The following FAM114A1 variants were observed in gnomAD, a reference collection of about 807,000 sequenced individuals.
FAM114A1 encodes the protein family with sequence similarity 114 member A1.
In FAM114A1, 62 loss-of-function variants were observed where a neutral mutation model predicts 64.3. The observed-to-expected ratio is 0.96, with a 90% CI of 0.79 to 1.19. The LOEUF (loss-of-function observed/expected upper bound fraction) is 1.19, where lower values mean the gene tolerates loss of function less well. Among genes scored for constraint, FAM114A1 ranks in the 50% most tolerant of loss-of-function variants. The pLI is 0.00. For missense variants in FAM114A1, 645 were observed against 676.3 expected, an observed-to-expected ratio of 0.95 and a Z score of 0.51; for synonymous variants, 254 against 251.1, an observed-to-expected ratio of 1.01 and a Z score of -0.11.
chr4:38,887,793 C>T (rs568644303), intron 3 of FAM114A1, among the ~76,000 whole-genome samples: 15 of 152,290 alleles, frequency 9.8e-5, no homozygotes, highest in African/African-American at 3.6e-4. Flanking sequence ...ATAACTGAGG[C>T]CATTTTCAAT....
At chr4:38,900,005 C>T (rs1717351893) in intron 4 of FAM114A1, among the ~76,000 whole-genome samples, 1 of 152,088 alleles carries the variant, frequency 6.6e-6, no homozygotes, top group South Asian at 2.1e-4. Flanking sequence ...CAGAAAGAGG[C>T]TGGCCCACCT....
At chr4:38,917,079 A>G (rs1299879371) in intron 8 of FAM114A1, among the ~76,000 whole-genome samples, 3 of 151,928 alleles carry the variant, frequency 2.0e-5, no homozygotes, top group Non-Finnish European at 4.4e-5. Flanking sequence ...CGAGGTGGGC[A>G]GATCACCTGA....
intron 3 of FAM114A1, among the ~76,000 whole-genome samples, chr4:38,888,014 A>G (rs182051900): frequency 1.3e-3 from 194 of 152,344 alleles, no homozygotes; most frequent in Admixed American, 2.5e-3. Context: ...TCAAGGAAAT[A>G]GAAGAACCAA....
intron 2 of FAM114A1, among the ~76,000 whole-genome samples, chr4:38,868,923 G>A (rs1189889061): frequency 6.6e-6 from 1 of 152,210 alleles, no homozygotes; most frequent in Admixed American, 6.5e-5. Context: ...ACCTTTAAGT[G>A]AAGGAATGAG....
At chr4:38,931,645 T>C (rs1720653749) in intron 11 of FAM114A1, 33 bp downstream of exon 11, 2 of 1,571,818 alleles carry the variant, frequency 1.3e-6, no homozygotes, top group Non-Finnish European at 1.7e-6. Context: ...GCCTACAAGG[T>C]AATAAGAGTG....
chr4:38,892,375 T>G (rs1716495698), intron 4 of FAM114A1, among the ~76,000 whole-genome samples: 1 of 152,202 alleles, frequency 6.6e-6, no homozygotes, highest in African/African-American at 2.4e-5. Context: ...AGTATTGACC[T>G]CAACTCTGAG....
chr4:38,944,673 TAG>T lies in FAM114A1; in HGVS notation c.*1119_*1120del, dbSNP rs1396944106. On this transcript the variant is annotated 3_prime_UTR_variant, in exon 15 of 15. Transcript: ENST00000358869. ...CCTCCCGTCAGGTCAGCAGCAGCAT[TAG>T]AGTCTCATGGGAGTGCGAACCCTGT... 1 of 152,212 alleles carries T rather than the reference TAG, an allele frequency of 6.6e-6. No individual in the cohort carries two copies. Among genetic ancestry groups the T allele is most frequent in the Non-Finnish European group, 1.5e-5 (1 of 68,078 alleles). 9.4% of individuals were successfully genotyped at this position (152,212 alleles called of 1,614,324 possible). A position where few individuals can be genotyped will look rare whatever the true frequency, so the allele number is the denominator to read the frequency against.
intron 9 of FAM114A1, among the ~76,000 whole-genome samples, chr4:38,924,290 G>T (rs28427883): frequency 0.2 from 30,606 of 152,022 alleles, 3,232 homozygotes; most frequent in Middle Eastern, 0.29. Context: ...CTTAAAGTGC[G>T]AACACAATGC....
At chr4:38,896,030 G>A (rs1433864545) in intron 4 of FAM114A1, among the ~76,000 whole-genome samples, 2 of 152,060 alleles carry the variant, frequency 1.3e-5, no homozygotes, top group African/African-American at 4.8e-5. Context: ...ACCAATTACA[G>A]AACCTTAGTA....
Position 38,931,572 on chromosome 4 carries a change from A to C in FAM114A1, c.1283A>C (p.Gln428Pro). The change falls in exon 11 of 15, where the codon CAA becomes CCA. Residue 428 changes from glutamine to proline, a missense_variant. By Grantham distance (76) the Gln-to-Pro change is moderately conservative. Transcript: ENST00000358869. ...AAGGAAGAGAAATCTCAAGACCCTC[A>C]AGAAGACAAAAAGGAGGAAAAGAAA... Reference protein sequence around the residue: ...EEKEEKSQDPQEDKKEEKKTK... With the variant: ...EEKEEKSQDPPEDKKEEKKTK... 1.9e-6 allele frequency: 3 copies of C among 1,613,882 alleles called. No individual in the cohort carries two copies. Among genetic ancestry groups the C allele is most frequent in the Non-Finnish European group, 2.5e-6 (3 of 1,179,960 alleles).
At chr4:38,932,618 T>A (rs1720749168) in intron 12 of FAM114A1, among the ~76,000 whole-genome samples, 2 of 152,014 alleles carry the variant, frequency 1.3e-5, no homozygotes, top group Admixed American at 1.3e-4. Context: ...TGCCTCAGTC[T>A]CCCCTGGAGT....
At chr4:38,941,098 T>G in intron 14 of FAM114A1, 77 bp downstream of exon 14, 2 of 1,300,358 alleles carry the variant, frequency 1.5e-6, no homozygotes, top group Non-Finnish European at 2.2e-6. Flanking sequence ...TTTGCCTTTC[T>G]TCCCCCACAG....
At chr4:38,885,661 A>G (rs1399202637) in intron 3 of FAM114A1, among the ~76,000 whole-genome samples, 1 of 152,252 alleles carries the variant, frequency 6.6e-6, no homozygotes, top group Non-Finnish European at 1.5e-5. Flanking sequence ...GTACCAATTA[A>G]AACCCATTTT....
chr4:38,892,695 A>G (rs1716519777), intron 4 of FAM114A1, among the ~76,000 whole-genome samples: 1 of 152,248 alleles, frequency 6.6e-6, no homozygotes, highest in South Asian at 2.1e-4. Flanking sequence ...CAGGTAACAG[A>G]GTTTTCACAT....
At position 38,941,028 on chromosome 4, in the gene FAM114A1, G is replaced by A. The variant is rs780749830; in HGVS notation, c.1590+7G>A. On this transcript the variant is annotated splice_region_variant and intron_variant, in intron 14 of 14. Coordinates refer to ENST00000358869, the MANE Select transcript of FAM114A1 (RefSeq NM_138389.4). ...CAGTAGTGTATTGTTAGAGGTAAGTGGCCTCTGGAGAGAAAGTGCTTCTGA... is the reference window on the plus strand; with the variant it reads ...CAGTAGTGTATTGTTAGAGGTAAGTAGCCTCTGGAGAGAAAGTGCTTCTGA... 1.1e-5 allele frequency: 17 copies of A among 1,612,506 alleles called. No individual in the cohort carries two copies. Among genetic ancestry groups the A allele is most frequent in the Non-Finnish European group, 6.8e-6 (8 of 1,179,428 alleles).
intron 12 of FAM114A1, among the ~76,000 whole-genome samples, chr4:38,933,000 C>T (rs1021980972): frequency 1.1e-4 from 16 of 151,852 alleles, no homozygotes; most frequent in South Asian, 2.1e-4. Flanking sequence ...ATTACAGGTG[C>T]GCACCACCAC....
intron 7 of FAM114A1, among the ~76,000 whole-genome samples, chr4:38,913,836 G>A (rs370215441): frequency 6.1e-4 from 92 of 150,782 alleles, no homozygotes; most frequent in African/African-American, 1.8e-3. Context: ...AGTGGCTCAC[G>A]CCTGTGATCC....
intron 4 of FAM114A1, among the ~76,000 whole-genome samples, chr4:38,896,975 T>G (rs954899276): frequency 1.3e-5 from 2 of 152,144 alleles, no homozygotes; most frequent in Non-Finnish European, 2.9e-5. Flanking sequence ...CACAGAGCTG[T>G]CAATTGAGCA....
At position 38,913,390 on chromosome 4, in the gene FAM114A1, T is replaced by C. The variant is rs7699482; in HGVS notation, c.793-1531T>C. 4.9e-3 allele frequency among the ~76,000 whole-genome samples: 745 copies of C among 152,268 alleles called. 8 individuals are homozygous for C. The highest frequency in any genetic ancestry group is 0.017 in the African/African-American group (699 of 41,556). On this transcript the variant is annotated intron_variant, in intron 7 of 14. Coordinates refer to ENST00000358869, the MANE Select transcript of FAM114A1 (RefSeq NM_138389.4). ...AAACCAGACTTAAGAATCTATAAGC[T>C]AATGTTCTTTTTTGTTTTTTTGTTT...
Sources: allele counts gnomAD v4.1 joint callset (sites outside exome capture counted in the v4.1 genomes callset), GRCh38; gene constraint gnomAD v4.1.1; transcripts MANE v1.5; gene names NCBI Gene and HGNC (gene_info 2026-07-23, HGNC 2026-07-21).